The following PLEKHG7 variants were observed in gnomAD, a reference collection of about 807,000 sequenced individuals.
PLEKHG7 encodes pleckstrin homology and RhoGEF domain containing G7.
In PLEKHG7, 77 loss-of-function variants were observed where a neutral mutation model predicts 85.2. The ratio of observed to expected loss-of-function variants is 0.90; its 90% confidence interval spans 0.75 to 1.09. The LOEUF (loss-of-function observed/expected upper bound fraction) is 1.09, where lower values mean the gene tolerates loss of function less well. Ranked by LOEUF, PLEKHG7 falls within the 50% of genes least tolerant of loss-of-function variation. The pLI is 0.00. For synonymous variants in PLEKHG7, 301 were observed against 302.4 expected (o/e 1.00, Z 0.05); for missense variants, 777 against 804.3 (o/e 0.97, Z 0.41).
Position 92,764,045 on chromosome 12 carries a change from T to C in PLEKHG7, c.1721T>C (p.Leu574Pro). The C allele has an allele frequency of 6.3e-7, 1 of 1,593,562 alleles. No individual in the cohort carries two copies. Among genetic ancestry groups the C allele is most frequent in the Middle Eastern group, 1.7e-4 (1 of 5,970 alleles). The change falls in exon 15 of 17, where the codon CTT (leucine) becomes CCT (proline). Residue 574 changes from leucine to proline, a missense_variant. Coordinates refer to ENST00000344636, the MANE Select transcript of PLEKHG7 (RefSeq NM_001377329.1). The stretch of plus-strand genomic sequence containing the variant: ...TATTTTTCTTGTTAATTTCAGAAAC[T>C]TGGAGGCTCAGACCCTGGTTTAATG... ...VTKTKCNKKKLGGSDPGLMCP... is the reference protein window; with the variant it reads ...VTKTKCNKKKPGGSDPGLMCP...
At chr12:92,763,932 A>C in intron 14 of PLEKHG7, 109 bp from the exon 15 acceptor site, 1 of 873,776 alleles carries the variant, frequency 1.1e-6, no homozygotes. Context: ...AGGCAATAAT[A>C]GTTTTTAGGC....
intron 12 of PLEKHG7, 35 bp from the exon 13 acceptor site, chr12:92,756,263 C>A: frequency 6.8e-7 from 1 of 1,481,056 alleles, no homozygotes; most frequent in Non-Finnish European, 9.4e-7. Context: ...CAATCACTAA[C>A]AACATCTCTT....
chr12:92,749,969 ATATT>A (rs1370455725), intron 10 of PLEKHG7, among the ~76,000 whole-genome samples: 774 of 72,170 alleles, frequency 0.011, 7 homozygotes, highest in African/African-American at 0.036. Context: ...ATTTTATTTT[ATATT>A]TTATTTTATT....
chr12:92,739,347 CCACATGGCACATGTG>C (rs1244580653), intron 7 of PLEKHG7, among the ~76,000 whole-genome samples: 1 of 152,320 alleles, frequency 6.6e-6, no homozygotes. Flanking sequence ...GATCAGCTTG[CCACATGGCACATGTG>C]CAGCCTGGGG....
chr12:92,737,650 G>A, intron 7 of PLEKHG7, 129 bp downstream of exon 7: 3 of 825,036 alleles, frequency 3.6e-6, no homozygotes, highest in Non-Finnish European at 5.2e-6. Flanking sequence ...GAGAGACAAA[G>A]AGAAAGAAAG....
rs1481915141 is a variant in PLEKHG7 at position 92,755,806 on chromosome 12, A to G, written c.1427-19A>G. ...GTCATATGCACCTAAAAATATACTG[A>G]CTATGTCATGTCTTTCAGGGGACCT... On this transcript the variant is annotated intron_variant, in intron 11 of 16. Coordinates refer to ENST00000344636, the MANE Select transcript of PLEKHG7 (RefSeq NM_001377329.1). The G allele has an allele frequency of 4.0e-6, 6 of 1,508,276 alleles. No individual in the cohort carries two copies. Among genetic ancestry groups the G allele is most frequent in the Admixed American group, 1.7e-5 (1 of 58,858 alleles). 93.4% of individuals were successfully genotyped at this position (1,508,276 alleles called of 1,614,324 possible).
At chr12:92,735,337 A>G (rs1872111265) in intron 5 of PLEKHG7, among the ~76,000 whole-genome samples, 1 of 152,194 alleles carries the variant, frequency 6.6e-6, no homozygotes, top group Non-Finnish European at 1.5e-5. Flanking sequence ...TCAGTGCCAT[A>G]ACCCTACCAG....
chr12:92,718,491 C>A (rs989528429), intron 3 of PLEKHG7, among the ~76,000 whole-genome samples: 1 of 152,092 alleles, frequency 6.6e-6, no homozygotes. Flanking sequence ...CACTGCCTGG[C>A]ACTTAGTAGG....
At chr12:92,735,354 C>T (rs1340485081) in intron 5 of PLEKHG7, among the ~76,000 whole-genome samples, 1 of 152,118 alleles carries the variant, frequency 6.6e-6, no homozygotes, top group Non-Finnish European at 1.5e-5. Flanking sequence ...CCAGAGAAAC[C>T]AGCCACAGCC....
chr12:92,755,917 G>A lies in PLEKHG7; in HGVS notation c.1519G>A (p.Asp507Asn). Residue 507 changes from aspartate to asparagine, a missense_variant, in exon 12 of 17, where the codon GAT (aspartate) becomes AAT (asparagine). Transcript: ENST00000344636. The stretch of plus-strand genomic sequence containing the variant: ...AGTGTGGCCACCGCTTTGGGATAGA[G>A]ATAAAAGGTTTTTCATTCCAGAGGT... ...IIVWPPLWDRDKRFFIPECLK... is the reference protein window; with the variant it reads ...IIVWPPLWDRNKRFFIPECLK... 1.2e-6 allele frequency: 2 copies of A among 1,609,434 alleles called. No individual in the cohort carries two copies. The highest frequency in any genetic ancestry group is 1.7e-6 in the Non-Finnish European group (2 of 1,178,596).
intron 15 of PLEKHG7, among the ~76,000 whole-genome samples, chr12:92,764,537 T>C (rs753576981): frequency 6.6e-6 from 1 of 152,134 alleles, no homozygotes; most frequent in Non-Finnish European, 1.5e-5. Context: ...GTATTGTTAT[T>C]ATAGTATCAT....
intron 1 of PLEKHG7, among the ~76,000 whole-genome samples, chr12:92,705,588 C>A (rs896250152): frequency 1.3e-5 from 2 of 152,238 alleles, no homozygotes; most frequent in Non-Finnish European, 2.9e-5. Flanking sequence ...ACAATCCACG[C>A]ACAGTCTGAA....
chr12:92,766,930 G>T (rs1341550597), intron 15 of PLEKHG7, among the ~76,000 whole-genome samples: 1 of 152,060 alleles, frequency 6.6e-6, no homozygotes, highest in Non-Finnish European at 1.5e-5. Context: ...CATTCCTCGG[G>T]CCTATTAACT....
At chr12:92,737,621 G>GA in intron 7 of PLEKHG7, 100 bp downstream of exon 7, 3 of 1,109,200 alleles carry the variant, frequency 2.7e-6, no homozygotes, top group South Asian at 3.8e-5. Flanking sequence ...AAGAAAGAGA[G>GA]AAAAGAAAGA....
chr12:92,739,232 G>T (rs1666945660), intron 7 of PLEKHG7, among the ~76,000 whole-genome samples: 1 of 152,128 alleles, frequency 6.6e-6, no homozygotes, highest in African/African-American at 2.4e-5. Flanking sequence ...ATTCTGATTG[G>T]ACTGGCTTAG....
chr12:92,740,948 G>A lies in PLEKHG7; in HGVS notation c.1035G>A (p.Gln345=). ...TTGCAAACCTGGAGGAGTTAACTCA[G>A]GTGAGCCAAGTAGGAAGATTCATGT... The part of the protein sequence containing the change: ...RLFANLEELT[Q]TSLGFVNSLF... The change falls in exon 8 of 17, where the codon CAG becomes CAA. Residue 345 remains glutamine, a splice_region_variant and synonymous_variant. Transcript: ENST00000344636. The A allele has an allele frequency of 6.3e-7, 1 of 1,591,268 alleles. No homozygotes were observed. The highest frequency in any genetic ancestry group is 1.1e-5 in the South Asian group (1 of 90,434).
intron 8 of PLEKHG7, 92 bp from the exon 9 acceptor site, chr12:92,741,399 C>A: frequency 2.9e-6 from 2 of 681,466 alleles, no homozygotes; most frequent in South Asian, 2.9e-5. Context: ...AAATGGGAAA[C>A]ACCTGTAAGA....
At chr12:92,721,357 G>A (rs912732227) in intron 3 of PLEKHG7, 21 of 884,100 alleles carry the variant, frequency 2.4e-5, no homozygotes, top group African/African-American at 2.3e-4. Flanking sequence ...GGGAATTCCC[G>A]GGATGCTCTG....
intron 3 of PLEKHG7, among the ~76,000 whole-genome samples, chr12:92,709,916 G>T (rs1159240530): frequency 6.6e-6 from 1 of 152,120 alleles, no homozygotes; most frequent in African/African-American, 2.4e-5. Flanking sequence ...TGGGTGTGGT[G>T]GTGGGCACCT....
Sources: allele counts gnomAD v4.1 joint callset (sites outside exome capture counted in the v4.1 genomes callset), GRCh38; gene constraint gnomAD v4.1.1; transcripts MANE v1.5; gene names NCBI Gene and HGNC (gene_info 2026-07-23, HGNC 2026-07-21).